Variants in GAB1 observed in about 807,000 individuals in gnomAD.
GAB1 encodes the protein GRB2 associated binding protein 1.
GAB1 carries 19 observed loss-of-function variants against 66.5 expected under a neutral mutation model. That is an observed-to-expected ratio of 0.29 (90% CI 0.20 to 0.42). The LOEUF (loss-of-function observed/expected upper bound fraction) is 0.42, where lower values mean the gene tolerates loss of function less well. Ranked by LOEUF, GAB1 falls within the 10% of genes least tolerant of loss-of-function variation. The pLI, the probability that GAB1 is intolerant of heterozygous loss-of-function variation, is 1.00. For synonymous variants in GAB1, 294 were observed against 301.4 expected (o/e 0.98, Z 0.25); for missense variants, 732 against 858.5 (o/e 0.85, Z 1.84).
At chr4:143,363,714 G>A (rs1216933676) in intron 1 of GAB1, among the ~76,000 whole-genome samples, 1 of 152,128 alleles carries the variant, frequency 6.6e-6, no homozygotes, top group Non-Finnish European at 1.5e-5. Flanking sequence ...ACTGTTTTAG[G>A]TTCATATACT....
intron 6 of GAB1, among the ~76,000 whole-genome samples, chr4:143,454,965 T>C (rs1221125492): frequency 6.6e-6 from 1 of 152,140 alleles, no homozygotes; most frequent in East Asian, 1.9e-4. Flanking sequence ...CCTTGTTTCT[T>C]TTCCTCTAGG....
At chr4:143,371,825 G>GT (rs1730135486) in intron 1 of GAB1, among the ~76,000 whole-genome samples, 2 of 151,994 alleles carry the variant, frequency 1.3e-5, no homozygotes, top group South Asian at 4.2e-4. Context: ...CCGATTTCTT[G>GT]TTTTTGTCAG....
intron 1 of GAB1, among the ~76,000 whole-genome samples, chr4:143,375,105 G>A (rs1462808237): frequency 1.3e-5 from 2 of 152,100 alleles, no homozygotes; most frequent in African/African-American, 4.8e-5. Flanking sequence ...CCGCCACAAC[G>A]CCTGGCTAAG....
chr4:143,406,806 C>G (rs1210941054), intron 1 of GAB1, among the ~76,000 whole-genome samples: 1 of 152,226 alleles, frequency 6.6e-6, no homozygotes. Context: ...TCCGTCTCCT[C>G]TTGGTTAGGG....
intron 1 of GAB1, among the ~76,000 whole-genome samples, chr4:143,380,218 G>C (rs1282754306): frequency 6.6e-6 from 1 of 151,584 alleles, no homozygotes; most frequent in African/African-American, 2.4e-5. Flanking sequence ...TTTACATTCT[G>C]TGTACAAAAG....
At chr4:143,456,776 TGTAAATTCCAAGAAAAAA>T (rs1448447733) in intron 6 of GAB1, among the ~76,000 whole-genome samples, 2 of 152,172 alleles carry the variant, frequency 1.3e-5, no homozygotes, top group Admixed American at 6.5e-5. Context: ...AACTCAACTT[TGTAAATTCCAAGAAAAAA>T]GAAAATTTAG....
At chr4:143,340,631 C>T (rs1728794765) in intron 1 of GAB1, among the ~76,000 whole-genome samples, 1 of 152,140 alleles carries the variant, frequency 6.6e-6, no homozygotes, top group African/African-American at 2.4e-5. Context: ...CTGCCTCAGC[C>T]TCCCCAGTAG....
chr4:143,412,173 G>T (rs977287742), intron 1 of GAB1, among the ~76,000 whole-genome samples: 10 of 151,796 alleles, frequency 6.6e-5, no homozygotes, highest in African/African-American at 1.5e-4. Context: ...AGGAATGGAT[G>T]GGGGGGAGCC....
chr4:143,370,937 C>G (rs1377192702), intron 1 of GAB1, among the ~76,000 whole-genome samples: 1 of 152,162 alleles, frequency 6.6e-6, no homozygotes, highest in East Asian at 1.9e-4. Context: ...TTTTCTTAAT[C>G]TAGTCTATCA....
intron 1 of GAB1, among the ~76,000 whole-genome samples, chr4:143,353,485 T>C (rs1729310322): frequency 6.6e-6 from 1 of 152,130 alleles, no homozygotes; most frequent in Non-Finnish European, 1.5e-5. Flanking sequence ...CTTTAGAAAA[T>C]TGGTCAAGAA....
chr4:143,351,363 A>G (rs958125142), intron 1 of GAB1, among the ~76,000 whole-genome samples: 12 of 152,140 alleles, frequency 7.9e-5, no homozygotes, highest in Admixed American at 4.6e-4. Flanking sequence ...ACTCTTCTCC[A>G]GCTTCTCCGG....
chr4:143,399,304 A>G (rs923198544), intron 1 of GAB1, among the ~76,000 whole-genome samples: 2 of 152,228 alleles, frequency 1.3e-5, no homozygotes, highest in African/African-American at 2.4e-5. Flanking sequence ...GCAATGATCA[A>G]AAGTCCAAAG....
At chr4:143,396,065 G>C (rs1731438191) in intron 1 of GAB1, 1 of 443,956 alleles carries the variant, frequency 2.3e-6, no homozygotes, top group Admixed American at 2.4e-5. Flanking sequence ...TGGGAGGCTT[G>C]GGGAAAGTTG....
chr4:143,386,514 A>G (rs993357599), intron 1 of GAB1, among the ~76,000 whole-genome samples: 4 of 152,098 alleles, frequency 2.6e-5, no homozygotes, highest in Non-Finnish European at 5.9e-5. Flanking sequence ...CAGCCTCCCC[A>G]GTAGCTGGGA....
At chr4:143,350,992 C>T (rs1412957677) in intron 1 of GAB1, among the ~76,000 whole-genome samples, 1 of 152,196 alleles carries the variant, frequency 6.6e-6, no homozygotes, top group Non-Finnish European at 1.5e-5. Context: ...CAGGGCCCCA[C>T]TGCTCAAACC....
At chr4:143,412,823 G>A (rs576241035) in intron 1 of GAB1, among the ~76,000 whole-genome samples, 8 of 152,180 alleles carry the variant, frequency 5.3e-5, no homozygotes, top group Admixed American at 5.2e-4. Flanking sequence ...TATTGGAGGG[G>A]GAAAAGTGAC....
At chr4:143,337,731 C>T (rs1728707891) in intron 1 of GAB1, among the ~76,000 whole-genome samples, 1 of 152,128 alleles carries the variant, frequency 6.6e-6, no homozygotes, top group African/African-American at 2.4e-5. Context: ...CTCCGCCCCT[C>T]GAGATGGGTT....
At chr4:143,423,900 C>T (rs1733188076) in intron 2 of GAB1, among the ~76,000 whole-genome samples, 1 of 139,604 alleles carries the variant, frequency 7.2e-6, no homozygotes, top group Non-Finnish European at 1.5e-5. Context: ...GAATCTCTGT[C>T]CTCTTTTCAG....
chr4:143,459,350 A>G, intron 6 of GAB1, 35 bp from the exon 7 acceptor site: 2 of 1,219,308 alleles, frequency 1.6e-6, no homozygotes, highest in South Asian at 1.2e-5. Context: ...AAAGTTCTGT[A>G]TACTAAAAAT....
Sources: gnomAD v4.1 joint callset for allele counts (sites outside exome capture counted in the v4.1 genomes callset) on GRCh38, gnomAD v4.1.1 for gene constraint, MANE v1.5 for transcripts, NCBI Gene and HGNC (gene_info 2026-07-23, HGNC 2026-07-21) for gene names.